Variants in RBFOX1 observed in about 807,000 individuals in gnomAD.
The protein encoded by RBFOX1 is RNA binding protein fox-1 homolog 1.
A neutral mutation model predicts 57.7 loss-of-function variants in RBFOX1; 8 were observed. That is an observed-to-expected ratio of 0.14 (90% CI 0.08 to 0.25). RBFOX1 has a LOEUF of 0.25. Among genes scored for constraint, RBFOX1 ranks in the 10% least tolerant of loss-of-function variants. The pLI is 1.00. For synonymous variants in RBFOX1, 326 were observed against 222.4 expected (o/e 1.47, Z -4.15); for missense variants, 611 against 548.5 (o/e 1.11, Z -1.14).
At chr16:6,895,763 T>G (rs1294470752) in intron 3 of RBFOX1, among the ~76,000 whole-genome samples, 1 of 152,014 alleles carries the variant, frequency 6.6e-6, no homozygotes, top group Non-Finnish European at 1.5e-5. Context: ...GAATGAGCCC[T>G]AAGACAGGTT....
chr16:7,279,253 T>C (rs920277489), intron 4 of RBFOX1, among the ~76,000 whole-genome samples: 1 of 152,166 alleles, frequency 6.6e-6, no homozygotes, highest in Admixed American at 6.5e-5. Context: ...TTTCTCTGTT[T>C]ATAACATGTC....
chr16:6,366,884 G>T (rs1177306921), intron 2 of RBFOX1, among the ~76,000 whole-genome samples: 2 of 152,142 alleles, frequency 1.3e-5, no homozygotes, highest in African/African-American at 4.8e-5. Flanking sequence ...TCTCTATTGG[G>T]TCTCATTATT....
chr16:5,797,949 C>A (rs1362328653), intron 3 of RBFOX1, among the ~76,000 whole-genome samples: 1 of 152,148 alleles, frequency 6.6e-6, no homozygotes. Context: ...AAGAGATGCT[C>A]AGTAAATATG....
intron 4 of RBFOX1, among the ~76,000 whole-genome samples, chr16:7,138,296 G>C (rs562003510): frequency 6.6e-6 from 1 of 152,280 alleles, no homozygotes; most frequent in South Asian, 2.1e-4. Context: ...CCACACATGA[G>C]ATCTTCAGCA....
chr16:6,859,145 ATATATATGTAT>A (rs2058497300), intron 3 of RBFOX1, among the ~76,000 whole-genome samples: 1 of 88,138 alleles, frequency 1.1e-5, no homozygotes, highest in South Asian at 3.9e-4. Flanking sequence ...ATATACGTAT[ATATATATGTAT>A]ATATATACGT....
chr16:7,707,683 C>CT (rs2082925609), intron 14 of RBFOX1, among the ~76,000 whole-genome samples: 1 of 152,144 alleles, frequency 6.6e-6, no homozygotes, highest in Non-Finnish European at 1.5e-5. Context: ...TCACTCACTC[C>CT]TCAGGAAAGC....
At chr16:6,909,490 C>G (rs1217122521) in intron 3 of RBFOX1, among the ~76,000 whole-genome samples, 2 of 152,198 alleles carry the variant, frequency 1.3e-5, no homozygotes, top group African/African-American at 4.8e-5. Flanking sequence ...TGGCATGAGA[C>G]AAGATTCTGT....
Position 7,033,241 on chromosome 16 carries a change from C to T in RBFOX1, c.-15-18816C>T, listed in dbSNP as rs886429135. On this transcript the variant is annotated intron_variant, in intron 3 of 15. Transcript: ENST00000550418. ...CCTCCTTAAAAGTCCAAAAACAGGA[C>T]GGGCACAGTGGGTCACGCCTGTAAT... Among the ~76,000 whole-genome samples, 8 of 152,248 alleles carry T rather than the reference C, an allele frequency of 5.3e-5. 1 individual carries two copies. The South Asian group carries it at 1.5e-3, about 28-fold the overall frequency.
At chr16:6,876,740 C>T (rs1277092034) in intron 3 of RBFOX1, among the ~76,000 whole-genome samples, 1 of 152,078 alleles carries the variant, frequency 6.6e-6, no homozygotes, top group African/African-American at 2.4e-5. Context: ...ATAGTCCCTG[C>T]ATTGTAATTT....
At chr16:6,609,411 C>G (rs536160854) in intron 2 of RBFOX1, among the ~76,000 whole-genome samples, 1 of 152,186 alleles carries the variant, frequency 6.6e-6, no homozygotes, top group South Asian at 2.1e-4. Flanking sequence ...GTAGTGCAGT[C>G]TCAGCTCACT....
intron 2 of RBFOX1, among the ~76,000 whole-genome samples, chr16:6,395,982 C>G (rs1567186893): frequency 7.0e-6 from 1 of 142,002 alleles, no homozygotes; most frequent in Non-Finnish European, 1.5e-5. Context: ...AGTAGAATTA[C>G]TTGAATCCGG....
chr16:7,299,880 A>G (rs553978095), intron 4 of RBFOX1, among the ~76,000 whole-genome samples: 1 of 152,314 alleles, frequency 6.6e-6, no homozygotes, highest in South Asian at 2.1e-4. Flanking sequence ...TGAAAATATC[A>G]TAAGTAGAAA....
chr16:6,714,639 A>G (rs1003542537), intron 3 of RBFOX1, among the ~76,000 whole-genome samples: 4 of 152,118 alleles, frequency 2.6e-5, no homozygotes, highest in African/African-American at 4.8e-5. Context: ...GAAGATGAAC[A>G]TATTACAGCC....
intron 1 of RBFOX1, among the ~76,000 whole-genome samples, chr16:5,343,816 C>G (rs531427909): frequency 6.6e-6 from 1 of 152,082 alleles, no homozygotes; most frequent in Admixed American, 6.5e-5. Flanking sequence ...TATGATGGCA[C>G]CTGTATTCTG....
At chr16:7,652,582 A>G (rs1162713015) in intron 11 of RBFOX1, among the ~76,000 whole-genome samples, 1 of 152,080 alleles carries the variant, frequency 6.6e-6, no homozygotes, top group East Asian at 1.9e-4. Context: ...CAATTTTTGT[A>G]TTTTTAGTAG....
chr16:7,133,002 C>A (rs2070938617), intron 4 of RBFOX1, among the ~76,000 whole-genome samples: 1 of 152,046 alleles, frequency 6.6e-6, no homozygotes, highest in Admixed American at 6.5e-5. Flanking sequence ...AGGAAATAAA[C>A]CAGAAAATAA....
chr16:6,980,209 G>C (rs891733261), intron 3 of RBFOX1, among the ~76,000 whole-genome samples: 16 of 152,156 alleles, frequency 1.1e-4, no homozygotes, highest in African/African-American at 3.9e-4. Context: ...AATTCTAGCT[G>C]ATATAACTTG....
chr16:6,873,939 A>G (rs1343921021), intron 3 of RBFOX1: 1 of 152,234 alleles, frequency 6.6e-6, no homozygotes, highest in Non-Finnish European at 1.5e-5. Context: ...TTGGAATGAT[A>G]CAGAGAAGAT....
At chr16:5,912,651 AT>A (rs1198480985) in intron 4 of RBFOX1, among the ~76,000 whole-genome samples, 10 of 152,118 alleles carry the variant, frequency 6.6e-5, no homozygotes, top group Admixed American at 6.5e-4. Flanking sequence ...ATTATTTCCT[AT>A]TTGCTTGCTG....
Sources: gnomAD v4.1 joint callset for allele counts (sites outside exome capture counted in the v4.1 genomes callset) on GRCh38, gnomAD v4.1.1 for gene constraint, MANE v1.5 for transcripts, NCBI Gene and HGNC (gene_info 2026-07-23, HGNC 2026-07-21) for gene names.